ASAP2: variants seen among roughly 807,000 people sequenced by gnomAD.
ASAP2 encodes the protein arf-GAP with SH3 domain, ANK repeat and PH domain-containing protein 2.
In ASAP2, 45 loss-of-function variants were observed where a neutral mutation model predicts 131.4. That is an observed-to-expected ratio of 0.34 (90% CI 0.27 to 0.44). The LOEUF (loss-of-function observed/expected upper bound fraction) is 0.44. Among genes scored for constraint, ASAP2 ranks in the 20% least tolerant of loss-of-function variants. The pLI, the probability that ASAP2 is intolerant of heterozygous loss-of-function variation, is 1.00. For synonymous variants in ASAP2, 510 were observed against 503.0 expected (o/e 1.01, Z -0.19); for missense variants, 1,011 against 1,297.0 (o/e 0.78, Z 3.39).
intron 1 of ASAP2, among the ~76,000 whole-genome samples, chr2:9,248,847 C>T (rs940391621): frequency 2.0e-5 from 3 of 152,274 alleles, no homozygotes; most frequent in South Asian, 2.1e-4. Flanking sequence ...TTCCTGATGT[C>T]GACTCTGATG....
At chr2:9,309,322 C>A (rs1453412480) in intron 3 of ASAP2, among the ~76,000 whole-genome samples, 3 of 152,226 alleles carry the variant, frequency 2.0e-5, no homozygotes, top group African/African-American at 7.2e-5. Flanking sequence ...CACGCAACTA[C>A]ATGAATGAAT....
In ASAP2 at chr2:9,356,164, C is replaced by T. The variant is rs1273469416; in HGVS notation, c.1161-15C>T. On this transcript the variant is annotated splice_polypyrimidine_tract_variant and intron_variant, in intron 13 of 27. Transcript: ENST00000281419. ...GTTTGTGGAATTTAACACAGCGTTG[C>T]TCTTGTTTTTCTAGATGGATGTCTG... 1.2e-6 allele frequency: 2 copies of T among 1,614,050 alleles called. No homozygotes were observed. Among genetic ancestry groups the T allele is most frequent in the African/African-American group, 1.3e-5 (1 of 75,024 alleles).
chr2:9,388,483 G>T lies in ASAP2; in HGVS notation c.2320G>T (p.Ala774Ser). ...CCTCCTGAGTGGCAGCCCACCTCCC[G>T]CCCAGCCTGCAGCCCCCAGCACCAC... ...GALLSGSPPP[A>S]QPAAPSTTSA... Residue 774 changes from alanine (A) to serine (S), a missense_variant, in exon 22 of 28, where the codon GCC becomes TCC. Ala to Ser is a moderately conservative substitution (Grantham distance 99). This residue lies in a region of ASAP2 where 652 missense variants were observed against 698.9 expected (regional missense o/e 0.93). Transcript: ENST00000281419. 6.2e-7 allele frequency: 1 copy of T among 1,612,520 alleles called. No homozygotes were observed.
chr2:9,338,142 A>C lies in ASAP2; in HGVS notation c.849+2963A>C, dbSNP rs374377815. ...GCTGGCGGAGTCCCAAAGCCTCATC[A>C]CTTGTGTGCAGGCTCTCTCTGCTGT... is the stretch of plus-strand genomic sequence containing the variant. On this transcript the variant is annotated intron_variant, in intron 9 of 27. Transcript: ENST00000281419. 2.6e-5 allele frequency among the ~76,000 whole-genome samples: 4 copies of C among 152,250 alleles called. No homozygotes were observed. The East Asian group carries it at 7.7e-4, about 29-fold the overall frequency.
rs1390802818 is a variant in ASAP2, at chr2:9,405,367, AT to A, written c.*2044del. ...TGAACTGCAGCTGCAGGATTCTGGCATTTTGCATGCCATTCTCCATCAGATC... is the reference window on the plus strand; with the variant it reads ...TGAACTGCAGCTGCAGGATTCTGGCATTTGCATGCCATTCTCCATCAGATC... On this transcript the variant is annotated 3_prime_UTR_variant, in exon 28 of 28. Coordinates refer to ENST00000281419, the MANE Select transcript of ASAP2 (RefSeq NM_003887.3). 6.6e-6 allele frequency: 1 copy of A among 152,626 alleles called. No individual in the cohort carries two copies. The highest frequency in any genetic ancestry group is 2.4e-5 in the African/African-American group (1 of 41,456). The allele number at this position is 152,626 out of a possible 1,614,324, so 9.5% of individuals were successfully genotyped here.
chr2:9,220,918 T>G (rs1481392387), intron 1 of ASAP2, among the ~76,000 whole-genome samples: 2 of 152,228 alleles, frequency 1.3e-5, no homozygotes, highest in Non-Finnish European at 2.9e-5. Flanking sequence ...AAGACTTTTC[T>G]TCTTGAATTC....
chr2:9,280,360 C>T (rs1172054304), intron 2 of ASAP2, among the ~76,000 whole-genome samples: 5 of 152,000 alleles, frequency 3.3e-5, no homozygotes, highest in Non-Finnish European at 7.4e-5. Context: ...TCCCCCCCAC[C>T]GCCCCCACCA....
chr2:9,377,643 C>T (rs1183433187), intron 18 of ASAP2, among the ~76,000 whole-genome samples: 1 of 152,138 alleles, frequency 6.6e-6, no homozygotes, highest in Non-Finnish European at 1.5e-5. Context: ...TGGTTTGAGC[C>T]ATGTGTGTAC....
intron 1 of ASAP2, among the ~76,000 whole-genome samples, chr2:9,245,956 T>G (rs1018514643): frequency 1.3e-5 from 2 of 152,176 alleles, no homozygotes; most frequent in Admixed American, 6.5e-5. Context: ...ATATAATAAT[T>G]AAAACCTTAA....
rs1409342257 is a variant in ASAP2, at chr2:9,207,368, A to G, written c.126+138A>G. The G allele has an allele frequency of 8.0e-7, 1 of 1,254,928 alleles. No individual in the cohort carries two copies. Among genetic ancestry groups the G allele is most frequent in the African/African-American group, 1.6e-5 (1 of 62,816 alleles). The allele number at this position is 1,254,928 out of a possible 1,614,324, so 77.7% of individuals were successfully genotyped here. ...GCCGGGCCAACCCTGCCCGAGACAG[A>G]AGCCCTTTGTTCCCGCCTAGGTGGC... On this transcript the variant is annotated intron_variant, in intron 1 of 27. Coordinates refer to ENST00000281419, the MANE Select transcript of ASAP2 (RefSeq NM_003887.3). The surrounding 1 kb of genome is among the most constrained non-coding windows in gnomAD (Gnocchi z 4.1).
intron 1 of ASAP2, among the ~76,000 whole-genome samples, chr2:9,210,380 T>C (rs1030351214): frequency 2.0e-5 from 3 of 151,958 alleles, no homozygotes; most frequent in Admixed American, 6.6e-5. Flanking sequence ...AGGAAGATAG[T>C]ACATAGCACA....
chr2:9,377,055 C>A, intron 18 of ASAP2, 62 bp downstream of exon 18: 1 of 1,389,674 alleles, frequency 7.2e-7, no homozygotes, highest in South Asian at 1.2e-5. Flanking sequence ...GGGAAGGAAT[C>A]GGACGCTGCC....
intron 1 of ASAP2, chr2:9,271,654 G>T: frequency 1.2e-6 from 1 of 819,992 alleles, no homozygotes; most frequent in South Asian, 2.4e-5. Context: ...TTTCTCGGTG[G>T]AAATGGTCTG....
At chr2:9,374,374 G>T (rs1287620066) in intron 16 of ASAP2, among the ~76,000 whole-genome samples, 2 of 152,254 alleles carry the variant, frequency 1.3e-5, no homozygotes, top group African/African-American at 4.8e-5. Flanking sequence ...CTGCATGGAG[G>T]GCAGGGGCAG....
At chr2:9,303,446 A>C (rs1459224819) in intron 3 of ASAP2, among the ~76,000 whole-genome samples, 1 of 152,148 alleles carries the variant, frequency 6.6e-6, no homozygotes, top group Non-Finnish European at 1.5e-5. Context: ...TTGGCTTGTT[A>C]GACTTGGGTG....
At chr2:9,242,286 A>C (rs1664028581) in intron 1 of ASAP2, among the ~76,000 whole-genome samples, 5 of 152,214 alleles carry the variant, frequency 3.3e-5, no homozygotes, top group South Asian at 4.1e-4. Flanking sequence ...CCTTGCTGAC[A>C]CTGTCAGGAG....
rs115563616 is a variant in ASAP2, at chr2:9,222,619, G to A, written c.126+15389G>A. On this transcript the variant is annotated intron_variant, in intron 1 of 27. Transcript: ENST00000281419. ...TCTTGTTTTTGTTTTTTGGCAAATA[G>A]GAATGAGGTGTGTTTACTACTGGAG... 8.0e-3 allele frequency among the ~76,000 whole-genome samples: 1,222 copies of A among 152,246 alleles called. 12 individuals are homozygous for A. Among genetic ancestry groups the A allele is most frequent in the Non-Finnish European group, 0.013 (858 of 68,014 alleles).
intron 1 of ASAP2, among the ~76,000 whole-genome samples, chr2:9,222,417 G>C (rs574345630): frequency 1.3e-5 from 2 of 152,188 alleles, no homozygotes; most frequent in Non-Finnish European, 2.9e-5. Flanking sequence ...GCCAGGCCTC[G>C]TGTGTTCTCT....
In ASAP2 at chr2:9,323,109, T is replaced by A. The variant is rs370085355; in HGVS notation, c.471-12T>A. On this transcript the variant is annotated splice_polypyrimidine_tract_variant and intron_variant, in intron 5 of 27. Transcript: ENST00000281419. ...AACAGGCATCTTGATGTATCCTTGC[T>A]TTCACACGTAGAACCAAGATAGAAA... 17 of 1,613,940 alleles carry A rather than the reference T, an allele frequency of 1.1e-5. No homozygotes were observed. The highest frequency in any genetic ancestry group is 1.7e-5 in the Admixed American group (1 of 60,000).
Sources: gnomAD v4.1 joint callset for allele counts (sites outside exome capture counted in the v4.1 genomes callset) on GRCh38, gnomAD v4.1.1 for gene constraint, gnomAD v4.1.1 regional missense constraint, Gnocchi (gnomAD v3.1) non-coding constraint, MANE v1.5 for transcripts, NCBI Gene and HGNC (gene_info 2026-07-23, HGNC 2026-07-21) for gene names.